The following GPHN variants were observed in gnomAD, a reference collection of about 807,000 sequenced individuals.
GPHN encodes the protein gephyrin.
Under a neutral mutation model 95.5 loss-of-function variants are expected in GPHN, and 17 were observed. The observed-to-expected ratio is 0.18, with a 90% CI of 0.12 to 0.27. The LOEUF (loss-of-function observed/expected upper bound fraction) is 0.27. GPHN is among the 10% of genes least tolerant of loss of function. The pLI is 1.00. For synonymous variants in GPHN, 320 were observed against 322.5 expected, an observed-to-expected ratio of 0.99 and a Z score of 0.08; for missense variants, 660 against 978.1, an observed-to-expected ratio of 0.67 and a Z score of 4.34.
chr14:67,183,652 C>T (rs1269231818), downstream of GPHN, among the ~76,000 whole-genome samples: 1 of 151,776 alleles, frequency 6.6e-6, no homozygotes, highest in African/African-American at 2.4e-5. Flanking sequence ...CAATCTCCAC[C>T]TCCCGGGTTC....
chr14:67,303,577 C>T, the GPHN span: 1,288 of 1,613,364 alleles, frequency 8.0e-4, 3 homozygotes, highest in Non-Finnish European at 9.8e-4. Flanking sequence ...CAGATCAAGC[C>T]GCCTCCTGCC....
rs186823317 is a variant in GPHN, at chr14:66,879,326, A to G, written c.295-613A>G. Among the ~76,000 whole-genome samples the G allele has an allele frequency of 8.3e-3, 1,257 of 150,752 alleles. 9 individuals are homozygous for G. Among genetic ancestry groups the G allele is most frequent in the Non-Finnish European group, 0.013 (913 of 67,912 alleles). On this transcript the variant is annotated intron_variant, in intron 4 of 22. Transcript: ENST00000478722. ...TATGTAACAAACCTGCACGTTCTGC[A>G]CATGTACCCCAGAACTGAAAGTATA...
intron 10 of GPHN, among the ~76,000 whole-genome samples, chr14:67,041,105 T>A (rs1480817635): frequency 6.6e-6 from 1 of 152,064 alleles, no homozygotes; most frequent in Non-Finnish European, 1.5e-5. Context: ...GCTGACCTTC[T>A]GTTATAAGGA....
the GPHN span, among the ~76,000 whole-genome samples, chr14:67,375,231 TC>T: frequency 7.9e-6 from 1 of 126,420 alleles, no homozygotes; most frequent in African/African-American, 3.1e-5. Flanking sequence ...CATCCTCAGT[TC>T]TGTGTGTGTG....
intron 2 of GPHN, among the ~76,000 whole-genome samples, chr14:66,775,417 G>A (rs2059346021): frequency 6.6e-6 from 1 of 152,020 alleles, no homozygotes; most frequent in Non-Finnish European, 1.5e-5. Context: ...CCACAACCCT[G>A]TATGTAATTT....
At chr14:67,653,490 G>T in the GPHN span, 2 of 1,613,712 alleles carry the variant, frequency 1.2e-6, no homozygotes, top group Non-Finnish European at 1.7e-6. Flanking sequence ...TTTCACTTGT[G>T]TTTACCAGCT....
intron 1 of GPHN, among the ~76,000 whole-genome samples, chr14:66,662,303 C>G (rs1245906775): frequency 6.6e-6 from 1 of 152,154 alleles, no homozygotes; most frequent in Non-Finnish European, 1.5e-5. Context: ...TGGGACAGAG[C>G]TCCCAGAGGA....
chr14:67,182,597 G>C (rs982564418), downstream of GPHN, among the ~76,000 whole-genome samples: 2 of 152,042 alleles, frequency 1.3e-5, no homozygotes, highest in Non-Finnish European at 2.9e-5. Context: ...TATTTGTTAA[G>C]CATCTATTAT....
intron 3 of GPHN, among the ~76,000 whole-genome samples, chr14:66,802,965 C>T (rs2060413726): frequency 1.3e-5 from 2 of 151,998 alleles, no homozygotes; most frequent in Admixed American, 6.5e-5. Context: ...CTCAGTAGGT[C>T]GCTTCCCTCT....
At chr14:66,965,961 C>G (rs1215851768) in intron 9 of GPHN, among the ~76,000 whole-genome samples, 2 of 152,022 alleles carry the variant, frequency 1.3e-5, no homozygotes, top group African/African-American at 4.8e-5. Flanking sequence ...TCTTTGTATA[C>G]ATGATAAATT....
At chr14:66,644,459 T>C (rs1261484945) in intron 1 of GPHN, among the ~76,000 whole-genome samples, 1 of 152,102 alleles carries the variant, frequency 6.6e-6, no homozygotes. Context: ...TGTTTCACTT[T>C]TCCTTCTATC....
intron 2 of GPHN, chr14:66,760,940 TG>T: frequency 1.2e-6 from 1 of 856,718 alleles, no homozygotes; most frequent in Non-Finnish European, 1.9e-6. Flanking sequence ...GAGCCTCTTT[TG>T]CAGGCAAAGG....
chr14:66,913,423 C>T (rs1320643164), intron 5 of GPHN, among the ~76,000 whole-genome samples: 1 of 152,120 alleles, frequency 6.6e-6, no homozygotes, highest in African/African-American at 2.4e-5. Flanking sequence ...CTCATTGCAA[C>T]CTCCGCCTCC....
intron 1 of GPHN, among the ~76,000 whole-genome samples, chr14:66,548,207 G>A (rs958226127): frequency 4.3e-4 from 59 of 137,654 alleles, no homozygotes; most frequent in African/African-American, 1.6e-3. Flanking sequence ...TTGAGATGGA[G>A]TCTCGCTCTG....
chr14:67,031,529 T>A (rs2074196871), intron 10 of GPHN, among the ~76,000 whole-genome samples: 1 of 152,184 alleles, frequency 6.6e-6, no homozygotes, highest in African/African-American at 2.4e-5. Context: ...TCGACTTTTT[T>A]ATCTAGTCTA....
At chr14:67,223,301 C>G in the GPHN span, among the ~76,000 whole-genome samples, 9 of 152,162 alleles carry the variant, frequency 5.9e-5, no homozygotes. Flanking sequence ...CGCCTGGCCC[C>G]CATTGGGCTT....
chr14:66,998,192 C>T (rs1455822231), intron 9 of GPHN, among the ~76,000 whole-genome samples: 2 of 152,162 alleles, frequency 1.3e-5, no homozygotes, highest in Non-Finnish European at 2.9e-5. Flanking sequence ...CAGCTCTTAA[C>T]TCTGGCTTCA....
At chr14:67,027,523 G>T (rs2073988887) in intron 10 of GPHN, among the ~76,000 whole-genome samples, 1 of 152,196 alleles carries the variant, frequency 6.6e-6, no homozygotes, top group South Asian at 2.1e-4. Flanking sequence ...TAGAGACAGG[G>T]TTTCACTATG....
the GPHN span, chr14:67,557,476 C>T: frequency 6.5e-7 from 1 of 1,542,426 alleles, no homozygotes; most frequent in South Asian, 1.2e-5. Context: ...ACTGCTGGCC[C>T]CCAGCTTCCT....
Sources: gnomAD v4.1 joint callset for allele counts (sites outside exome capture counted in the v4.1 genomes callset) on GRCh38, gnomAD v4.1.1 for gene constraint, MANE v1.5 for transcripts, NCBI Gene and HGNC (gene_info 2026-07-23, HGNC 2026-07-21) for gene names.